Variants in FBXL7 observed in about 807,000 individuals in gnomAD.
The protein encoded by FBXL7 is F-box/LRR-repeat protein 7.
A neutral mutation model predicts 38.3 loss-of-function variants in FBXL7; 12 were observed. The ratio of observed to expected loss-of-function variants is 0.31; its 90% CI spans 0.20 to 0.51. The LOEUF is 0.51. Among genes scored for constraint, FBXL7 ranks in the 20% least tolerant of loss-of-function variants. The pLI is 0.98. For synonymous variants in FBXL7, 297 were observed against 300.9 expected (o/e 0.99, Z 0.13); for missense variants, 567 against 676.4 (o/e 0.84, Z 1.79).
At chr5:15,549,202 C>T (rs1737996425) in intron 1 of FBXL7, among the ~76,000 whole-genome samples, 1 of 152,176 alleles carries the variant, frequency 6.6e-6, no homozygotes, top group Non-Finnish European at 1.5e-5. Flanking sequence ...ATACATGAGG[C>T]ATAGCATATT....
rs1225341085 is a variant in FBXL7, at chr5:15,939,662, C to T, written c.*2476C>T. 1 of 152,638 alleles carries T rather than the reference C, an allele frequency of 6.6e-6. No homozygotes were observed. Among genetic ancestry groups the T allele is most frequent in the Non-Finnish European group, 1.5e-5 (1 of 68,054 alleles). 9.5% of individuals were successfully genotyped at this position (152,638 alleles called of 1,614,324 possible). A position where few individuals can be genotyped will look rare whatever the true frequency, so the allele number is the denominator to read the frequency against. On this transcript the variant is annotated 3_prime_UTR_variant, in exon 4 of 4. Coordinates refer to ENST00000504595, the MANE Select transcript of FBXL7 (RefSeq NM_012304.5). ...ATCTGTTTTAAAACATTGCTTCCTT[C>T]CTGGCTCTGCTAAATTGAATGCTCA...
At chr5:15,648,851 G>T (rs1741617825) in intron 2 of FBXL7, among the ~76,000 whole-genome samples, 1 of 151,296 alleles carries the variant, frequency 6.6e-6, no homozygotes, top group African/African-American at 2.4e-5. Flanking sequence ...CTGTTTTATT[G>T]TCTCAGACTG....
chr5:15,906,126 A>G (rs1741353783), intron 2 of FBXL7, among the ~76,000 whole-genome samples: 1 of 152,134 alleles, frequency 6.6e-6, no homozygotes. Context: ...ATCATCGCCA[A>G]CATATCAAAT....
At chr5:15,774,318 A>G (rs1023367749) in intron 2 of FBXL7, among the ~76,000 whole-genome samples, 2 of 143,000 alleles carry the variant, frequency 1.4e-5, no homozygotes, top group Non-Finnish European at 3.1e-5. Flanking sequence ...TCTCCTCTCA[A>G]TACTCTTAAC....
intron 2 of FBXL7, among the ~76,000 whole-genome samples, chr5:15,715,019 T>C (rs946067894): frequency 6.6e-6 from 1 of 152,118 alleles, no homozygotes; most frequent in Non-Finnish European, 1.5e-5. Flanking sequence ...GATTCTCCCC[T>C]GAGCCTCTAG....
intron 2 of FBXL7, among the ~76,000 whole-genome samples, chr5:15,816,645 T>TA (rs1486892931): frequency 6.6e-6 from 1 of 152,106 alleles, no homozygotes; most frequent in South Asian, 2.1e-4. Context: ...GCTACTGAAA[T>TA]AAAAAAATTA....
At chr5:15,716,266 A>T (rs886334873) in intron 2 of FBXL7, among the ~76,000 whole-genome samples, 1 of 152,218 alleles carries the variant, frequency 6.6e-6, no homozygotes, top group African/African-American at 2.4e-5. Flanking sequence ...ATTTTTAGCC[A>T]AAGAAATCGC....
intron 2 of FBXL7, among the ~76,000 whole-genome samples, chr5:15,768,880 G>A (rs1322140850): frequency 3.9e-5 from 6 of 152,328 alleles, no homozygotes; most frequent in Non-Finnish European, 8.8e-5. Context: ...TGGGCATTTT[G>A]ATTCATTTGA....
chr5:15,595,073 T>C (rs1453134926), intron 1 of FBXL7, among the ~76,000 whole-genome samples: 1 of 152,200 alleles, frequency 6.6e-6, no homozygotes, highest in Non-Finnish European at 1.5e-5. Flanking sequence ...ACGTGTAGTC[T>C]TTTCGCCAGC....
chr5:15,724,831 G>A (rs1744298052), intron 2 of FBXL7, among the ~76,000 whole-genome samples: 1 of 152,126 alleles, frequency 6.6e-6, no homozygotes, highest in Non-Finnish European at 1.5e-5. Context: ...GTAGAGCAGT[G>A]GTTAGAAAAC....
chr5:15,567,773 T>A (rs1193862458), intron 1 of FBXL7, among the ~76,000 whole-genome samples: 1 of 149,154 alleles, frequency 6.7e-6, no homozygotes, highest in Non-Finnish European at 1.5e-5. Flanking sequence ...CAGGCCCTGG[T>A]GTGTGATGTT....
At chr5:15,919,734 C>T (rs145847643) in intron 2 of FBXL7, among the ~76,000 whole-genome samples, 37 of 152,168 alleles carry the variant, frequency 2.4e-4, no homozygotes, top group African/African-American at 6.5e-4. Context: ...TTAATTCAAA[C>T]GTTATATTTA....
At chr5:15,692,274 G>A (rs4701638) in intron 2 of FBXL7, among the ~76,000 whole-genome samples, 103,463 of 152,040 alleles carry the variant, frequency 0.68, 35,508 homozygotes, top group East Asian at 0.79. Context: ...ATGCATTTAA[G>A]TTACTTGGAA....
chr5:15,615,913 A>G (rs1740432323), intron 1 of FBXL7, 70 bp from the exon 2 acceptor site: 16 of 961,452 alleles, frequency 1.7e-5, no homozygotes, highest in East Asian at 5.1e-5. Flanking sequence ...TTGCTGTGGG[A>G]CCGAGTGGAA....
chr5:15,707,471 G>T (rs1730010653), intron 2 of FBXL7, among the ~76,000 whole-genome samples: 1 of 152,108 alleles, frequency 6.6e-6, no homozygotes. Flanking sequence ...GTGACACCTA[G>T]CCTGGCCAGG....
In FBXL7 at chr5:15,936,964, G is replaced by A. The variant is rs1432788839; in HGVS notation, c.1254G>A (p.Thr418=). 11 of 1,613,882 alleles carry A rather than the reference G, an allele frequency of 6.8e-6. No homozygotes were observed. Among genetic ancestry groups the A allele is most frequent in the Admixed American group, 6.7e-5 (4 of 60,002 alleles). The change falls in exon 4 of 4, where the codon ACG becomes ACA. Residue 418 remains threonine (T), a synonymous_variant. Coordinates refer to ENST00000504595, the MANE Select transcript of FBXL7 (RefSeq NM_012304.5). This position sits in a 1 kb window ranked among gnomAD's most constrained non-coding sequence, Gnocchi z 6.0. ...DIGKCPLVSD[T]GLECLALNCF... ...GCAAATGCCCTTTGGTATCCGACAC[G>A]GGCCTGGAGTGCCTGGCCCTGAACT... is the stretch of plus-strand genomic sequence containing the variant.
At chr5:15,689,214 T>C (rs563183145) in intron 2 of FBXL7, among the ~76,000 whole-genome samples, 1 of 151,902 alleles carries the variant, frequency 6.6e-6, no homozygotes, top group African/African-American at 2.4e-5. Context: ...CCAACTCTTT[T>C]CTCTGTTCTA....
At chr5:15,704,920 G>A (rs1743634113) in intron 2 of FBXL7, among the ~76,000 whole-genome samples, 1 of 150,986 alleles carries the variant, frequency 6.6e-6, no homozygotes. Flanking sequence ...GCATAAAGCA[G>A]TTTTCTATGC....
At chr5:15,570,407 G>C (rs1231722164) in intron 1 of FBXL7, among the ~76,000 whole-genome samples, 1 of 152,174 alleles carries the variant, frequency 6.6e-6, no homozygotes, top group Non-Finnish European at 1.5e-5. Context: ...TCTGATCGTA[G>C]TTTGTATTTC....
Sources: gnomAD v4.1 joint callset for allele counts (sites outside exome capture counted in the v4.1 genomes callset) on GRCh38, gnomAD v4.1.1 for gene constraint, Gnocchi (gnomAD v3.1) non-coding constraint, MANE v1.5 for transcripts, NCBI Gene and HGNC (gene_info 2026-07-23, HGNC 2026-07-21) for gene names.